Variants in ISG20L2 observed in about 807,000 individuals in gnomAD.
The protein encoded by ISG20L2 is interferon stimulated exonuclease gene 20 like 2.
Under a neutral mutation model 27.8 loss-of-function variants are expected in ISG20L2, and 14 were observed. The observed-to-expected ratio is 0.50, with a 90% CI of 0.33 to 0.79. The LOEUF (loss-of-function observed/expected upper bound fraction) is 0.79, where lower values mean the gene tolerates loss of function less well. Among genes scored for constraint, ISG20L2 ranks in the 30% least tolerant of loss-of-function variants. The pLI is 0.02. For missense variants in ISG20L2, 393 were observed against 435.1 expected (o/e 0.90, Z 0.86); for synonymous variants, 157 against 165.7 (o/e 0.95, Z 0.40).
rs1016334168 is a variant in ISG20L2 at position 156,727,806 on chromosome 1, G to A, written c.-117-37C>T. Reference sequence around the variant, plus strand: ...AGTGATCCTGGTAATTGAGCTCCTAGGCCTGGGAGAAAAATGAGGTAAGCT... The same window carrying A: ...AGTGATCCTGGTAATTGAGCTCCTAAGCCTGGGAGAAAAATGAGGTAAGCT... On this transcript the variant is annotated intron_variant, in intron 1 of 3. Coordinates refer to ENST00000368219, the MANE Select transcript of ISG20L2 (RefSeq NM_001370150.2). 2.7e-6 allele frequency: 4 copies of A among 1,457,428 alleles called. No individual in the cohort carries two copies. The African/African-American group carries it at 5.6e-5, about 21-fold the overall frequency. 90.3% of individuals were successfully genotyped at this position (1,457,428 alleles called of 1,614,324 possible). A position where few individuals can be genotyped will look rare whatever the true frequency, so the allele number is the denominator to read the frequency against.
intron 2 of ISG20L2, chr1:156,725,622 C>A (rs1370661866): frequency 6.5e-6 from 1 of 153,028 alleles, no homozygotes; most frequent in Non-Finnish European, 1.5e-5. Flanking sequence ...TGATGAAAAC[C>A]AGACGTAGTC....
chr1:156,726,316 C>T, intron 2 of ISG20L2: 1 of 985,426 alleles, frequency 1.0e-6, no homozygotes, highest in Non-Finnish European at 1.2e-6. Context: ...AAATCAAGCC[C>T]TTTCTCCTGA....
Position 156,727,553 on chromosome 1 carries a change from G to C in ISG20L2, c.100C>G (p.Leu34Val), listed in dbSNP as rs1267843003. 8 of 1,614,172 alleles carry C rather than the reference G, an allele frequency of 5.0e-6. No individual in the cohort carries two copies. Among genetic ancestry groups the C allele is most frequent in the Non-Finnish European group, 6.8e-6 (8 of 1,180,038 alleles). Residue 34 changes from leucine to valine, a missense_variant, in exon 2 of 4, where the codon CTC becomes GTC. Transcript: ENST00000368219. Reference sequence around the variant, plus strand: ...CTCAGAAAGCCTCTCCGTTCTAAGAGCCTCCGCTTCTTGACAAAATTTCGG... The same window carrying C: ...CTCAGAAAGCCTCTCCGTTCTAAGACCCTCCGCTTCTTGACAAAATTTCGG... ...KHRNFVKKRR[L>V]LERRGFLSKK...
intron 2 of ISG20L2, chr1:156,724,772 T>G: frequency 1.3e-6 from 1 of 748,544 alleles, no homozygotes; most frequent in Non-Finnish European, 1.6e-6. Flanking sequence ...AGCCCAAAAT[T>G]ACATGCAATT....
chr1:156,724,408 C>A, intron 2 of ISG20L2, 60 bp from the exon 3 acceptor site: 1 of 1,487,348 alleles, frequency 6.7e-7, no homozygotes, highest in Non-Finnish European at 9.1e-7. Context: ...CCCCTGCATT[C>A]TGAAAGCCCA....
rs1648573739 is a variant in ISG20L2, at chr1:156,722,402, A to C, written c.*947T>G. ...CTGCCTCAGCCTCCCAAGTAGCTGG[A>C]ACTACAGGTGCCCGCCACCACGCCT... is the stretch of plus-strand genomic sequence containing the variant. On this transcript the variant is annotated 3_prime_UTR_variant, in exon 4 of 4. Transcript: ENST00000368219. 2 of 143,950 alleles carry C rather than the reference A, an allele frequency of 1.4e-5. No individual in the cohort carries two copies. The highest frequency in any genetic ancestry group is 1.5e-5 in the Non-Finnish European group (1 of 65,656). 8.9% of individuals were successfully genotyped at this position (143,950 alleles called of 1,614,324 possible). A position where few individuals can be genotyped will look rare whatever the true frequency, so the allele number is the denominator to read the frequency against.
intron 2 of ISG20L2, chr1:156,726,310 C>G (rs1406301372): frequency 1.0e-6 from 1 of 985,336 alleles, no homozygotes; most frequent in East Asian, 1.1e-4. Flanking sequence ...TTTTCCAAAT[C>G]AAGCCCTTTC....
In ISG20L2 at chr1:156,727,752, G is replaced by A; in HGVS notation, c.-100C>T. On this transcript the variant is annotated 5_prime_UTR_variant, in exon 2 of 4. Coordinates refer to ENST00000368219, the MANE Select transcript of ISG20L2 (RefSeq NM_001370150.2). ...TGCTGAATCCTACTGTCCAACATGT[G>A]GAGGTCTGTAGTACACCCTGGGGAA... is the stretch of plus-strand genomic sequence containing the variant. The A allele has an allele frequency of 6.6e-7, 1 of 1,519,488 alleles. No homozygotes were observed. Among genetic ancestry groups the A allele is most frequent in the South Asian group, 1.3e-5 (1 of 76,110 alleles). 94.1% of individuals were successfully genotyped at this position (1,519,488 alleles called of 1,614,324 possible).
At chr1:156,727,955 T>C (rs780994989) in intron 1 of ISG20L2, 186 bp from the exon 2 acceptor site, 10 of 1,120,090 alleles carry the variant, frequency 8.9e-6, no homozygotes, top group Non-Finnish European at 1.1e-5. Context: ...TGGATTCTAG[T>C]GAAGCCCAAT....
At chr1:156,723,609 T>A (rs1648628619) in intron 3 of ISG20L2, 147 bp from the exon 4 acceptor site, 4 of 1,454,684 alleles carry the variant, frequency 2.7e-6, no homozygotes, top group Non-Finnish European at 3.6e-6. Flanking sequence ...TCTGGTGGGG[T>A]CCTACTCCTT....
In ISG20L2 at chr1:156,727,616, G is replaced by A; in HGVS notation, c.37C>T (p.Pro13Ser). 1 of 1,613,826 alleles carries A rather than the reference G, an allele frequency of 6.2e-7. No individual in the cohort carries two copies. The highest frequency in any genetic ancestry group is 1.3e-5 in the African/African-American group (1 of 74,966). ...CCTTCTAATGCCTTTTTGGGAGGAGGTTCCCCAAAATCCAGATTGAGCAGT... is the reference window on the plus strand; with the variant it reads ...CCTTCTAATGCCTTTTTGGGAGGAGATTCCCCAAAATCCAGATTGAGCAGT... Reference protein sequence around the residue: ...TLLLNLDFGEPPPKKALEGNA... With the variant: ...TLLLNLDFGESPPKKALEGNA... Residue 13 changes from proline (P) to serine (S), a missense_variant, in exon 2 of 4, where the codon CCT (proline) becomes TCT (serine). Pro to Ser is a moderately conservative substitution (Grantham distance 74). Around this residue, in one of 3 missense-constraint regions of ISG20L2, gnomAD observed 183 missense variants for 168.2 expected, o/e 1.09. Transcript: ENST00000368219.
In ISG20L2 at chr1:156,727,146, G is replaced by A. The variant is rs764984292; in HGVS notation, c.507C>T (p.Ser169=). 6.2e-6 allele frequency: 10 copies of A among 1,614,078 alleles called. No individual in the cohort carries two copies. In the Admixed American group the frequency reaches 8.3e-5, roughly 13 times the overall value. The change falls in exon 2 of 4, where the codon TCC becomes TCT. Residue 169 remains serine (S), a synonymous_variant. Coordinates refer to ENST00000368219, the MANE Select transcript of ISG20L2 (RefSeq NM_001370150.2). The part of the protein sequence containing the change: ...STQAHSENKC[S]GASQKLPRKM... ...TCCGTGGCAACTTCTGGGATGCTCCGGAGCATTTATTCTCTGAATGAGCTT... is the reference window on the plus strand; with the variant it reads ...TCCGTGGCAACTTCTGGGATGCTCCAGAGCATTTATTCTCTGAATGAGCTT...
intron 2 of ISG20L2, 55 bp from the exon 3 acceptor site, chr1:156,724,403 G>A: frequency 6.7e-7 from 1 of 1,498,436 alleles, no homozygotes; most frequent in East Asian, 2.3e-5. Flanking sequence ...TGGAACCCCT[G>A]CATTCTGAAA....
rs896799650 is a variant in ISG20L2, at chr1:156,728,551, C to A, written c.-254G>T. On this transcript the variant is annotated 5_prime_UTR_variant, in exon 1 of 4. Transcript: ENST00000368219. The stretch of plus-strand genomic sequence containing the variant: ...CGGCGCGCGCACACCCGCACCGCCC[C>A]GACCCCAGGTAGTGAGGCCAGTGAT... 5 of 985,434 alleles carry A rather than the reference C, an allele frequency of 5.1e-6. No individual in the cohort carries two copies. In the African/African-American group the frequency reaches 5.2e-5, roughly 10 times the overall value. 61.0% of individuals were successfully genotyped at this position (985,434 alleles called of 1,614,324 possible).
At position 156,727,471 on chromosome 1, in the gene ISG20L2, T is replaced by A. The variant is rs766630136; in HGVS notation, c.182A>T (p.Lys61Ile). 3.1e-6 allele frequency: 5 copies of A among 1,613,840 alleles called. No individual in the cohort carries two copies. The Admixed American group carries it at 6.7e-5, about 22-fold the overall frequency. ...APKLHSEPSK[K>I]GETPTVDGTW... ...GCCATCGACCGTAGGAGTTTCCCCT[T>A]TCTTTGAAGGTTCAGAGTGCAACTT... is the stretch of plus-strand genomic sequence containing the variant. The change falls in exon 2 of 4, where the codon AAA becomes ATA. Residue 61 changes from lysine (K) to isoleucine (I), a missense_variant. Physicochemically the swap from Lys to Ile is moderately radical, Grantham distance 102. Around this residue, in one of 3 missense-constraint regions of ISG20L2, gnomAD observed 183 missense variants for 168.2 expected, o/e 1.09. Transcript: ENST00000368219.
At chr1:156,724,381 G>C (rs1235739217) in intron 2 of ISG20L2, 33 bp from the exon 3 acceptor site, 1 of 1,572,312 alleles carries the variant, frequency 6.4e-7, no homozygotes, top group Admixed American at 1.7e-5. Flanking sequence ...GTGGTGAGAA[G>C]GAAGACTGAA....
chr1:156,723,341 C>A lies in ISG20L2; in HGVS notation c.*8G>T. ...TGCCTCCTCATATCACCAGCGTCCC[C>A]ACTGCCACTAGTCTGTAGGGGGATT... On this transcript the variant is annotated 3_prime_UTR_variant, in exon 4 of 4. Coordinates refer to ENST00000368219, the MANE Select transcript of ISG20L2 (RefSeq NM_001370150.2). 6 of 1,614,130 alleles carry A rather than the reference C, an allele frequency of 3.7e-6. No homozygotes were observed. The highest frequency in any genetic ancestry group is 5.1e-6 in the Non-Finnish European group (6 of 1,180,002).
At position 156,727,023 on chromosome 1, in the gene ISG20L2, C is replaced by G. The variant is rs781225626; in HGVS notation, c.630G>C (p.Val210=). ...RCSIVNYNGD[V]LYDEYILPPC... ...GGGGAAGAATGTACTCGTCATAAAG[C>G]ACATCTCCGTTGTAGTTGACAATGC... The change falls in exon 2 of 4, where the codon GTG becomes GTC. Residue 210 remains valine, a synonymous_variant. Transcript: ENST00000368219. 3.1e-6 allele frequency: 5 copies of G among 1,614,214 alleles called. No individual in the cohort carries two copies. Among genetic ancestry groups the G allele is most frequent in the East Asian group, 4.5e-5 (2 of 44,888 alleles).
chr1:156,723,329 C>T lies in ISG20L2; in HGVS notation c.*20G>A. The T allele has an allele frequency of 2.5e-6, 4 of 1,613,878 alleles. No homozygotes were observed. Among genetic ancestry groups the T allele is most frequent in the Non-Finnish European group, 3.4e-6 (4 of 1,179,924 alleles). ...GGGTGCTGCCTCTGCCTCCTCATATCACCAGCGTCCCCACTGCCACTAGTC... is the reference window on the plus strand; with the variant it reads ...GGGTGCTGCCTCTGCCTCCTCATATTACCAGCGTCCCCACTGCCACTAGTC... On this transcript the variant is annotated 3_prime_UTR_variant, in exon 4 of 4. Transcript: ENST00000368219.
Sources: gnomAD v4.1 joint callset for allele counts on GRCh38, gnomAD v4.1.1 for gene constraint, gnomAD v4.1.1 regional missense constraint, MANE v1.5 for transcripts, NCBI Gene and HGNC (gene_info 2026-07-23, HGNC 2026-07-21) for gene names.